SSBP2: variants seen among roughly 807,000 people sequenced by gnomAD.
SSBP2 encodes single stranded DNA binding protein 2.
SSBP2 carries 17 observed loss-of-function variants against 61.8 expected under a neutral mutation model. The observed-to-expected ratio is 0.28, with a 90% CI of 0.19 to 0.41. The LOEUF (loss-of-function observed/expected upper bound fraction) is 0.41. Ranked by LOEUF, SSBP2 falls within the 10% of genes least tolerant of loss-of-function variation. The pLI is 1.00. For synonymous variants in SSBP2, 139 were observed against 141.3 expected, an observed-to-expected ratio of 0.98 and a Z score of 0.12; for missense variants, 310 against 458.7, an observed-to-expected ratio of 0.68 and a Z score of 2.96.
intron 4 of SSBP2, among the ~76,000 whole-genome samples, chr5:81,566,224 T>C (rs1773411473): frequency 6.6e-6 from 1 of 152,200 alleles, no homozygotes; most frequent in African/African-American, 2.4e-5. Context: ...TAATACAGTA[T>C]GCATATAAGG....
chr5:81,633,108 CTTTTTTTTTTTTTT>C (rs143423636), intron 3 of SSBP2, among the ~76,000 whole-genome samples: 2 of 64,830 alleles, frequency 3.1e-5, no homozygotes, highest in Non-Finnish European at 5.2e-5. Flanking sequence ...GAGCCTCTGT[CTTTTTTTTTTTTTT>C]TTTTTTTTTT....
intron 2 of SSBP2, among the ~76,000 whole-genome samples, chr5:81,647,260 T>C (rs1749351994): frequency 6.6e-6 from 1 of 152,156 alleles, no homozygotes; most frequent in Non-Finnish European, 1.5e-5. Context: ...TAGTCTGGCA[T>C]GTAAGTTCTT....
At chr5:81,557,718 C>T (rs993683541) in intron 4 of SSBP2, among the ~76,000 whole-genome samples, 19 of 152,162 alleles carry the variant, frequency 1.2e-4, no homozygotes, top group African/African-American at 3.9e-4. Flanking sequence ...TTCTACCTAA[C>T]ATGTTTCATT....
intron 16 of SSBP2, among the ~76,000 whole-genome samples, chr5:81,424,348 C>T (rs1392113170): frequency 2.0e-5 from 3 of 152,012 alleles, no homozygotes; most frequent in African/African-American, 7.3e-5. Flanking sequence ...TGCTTGAACC[C>T]AGGAGGCGGA....
chr5:81,571,577 GTA>G (rs1349856100), intron 4 of SSBP2, among the ~76,000 whole-genome samples: 1 of 151,976 alleles, frequency 6.6e-6, no homozygotes, highest in East Asian at 1.9e-4. Flanking sequence ...CTCCAGATTT[GTA>G]TGTTTTATTT....
chr5:81,538,187 G>C (rs146563448), intron 4 of SSBP2, among the ~76,000 whole-genome samples: 1 of 152,296 alleles, frequency 6.6e-6, no homozygotes, highest in East Asian at 1.9e-4. Flanking sequence ...GTGAAACACA[G>C]ATGATAAGAA....
chr5:81,614,583 A>G (rs1745817609), intron 4 of SSBP2, among the ~76,000 whole-genome samples: 1 of 152,122 alleles, frequency 6.6e-6, no homozygotes, highest in East Asian at 1.9e-4. Context: ...TTTACACAGA[A>G]TGATGCCAGC....
At chr5:81,651,057 T>G (rs1749685459) in intron 1 of SSBP2, among the ~76,000 whole-genome samples, 1 of 152,170 alleles carries the variant, frequency 6.6e-6, no homozygotes, top group Non-Finnish European at 1.5e-5. Flanking sequence ...ATCTTGTGGA[T>G]TCAGAATTTT....
intron 4 of SSBP2, among the ~76,000 whole-genome samples, chr5:81,581,121 G>A (rs1774609586): frequency 6.6e-6 from 1 of 152,110 alleles, no homozygotes; most frequent in Admixed American, 6.5e-5. Context: ...GTAACTGATA[G>A]GCAACAATTA....
chr5:81,544,264 G>C (rs1229700633), intron 4 of SSBP2, among the ~76,000 whole-genome samples: 9 of 152,100 alleles, frequency 5.9e-5, no homozygotes, highest in Admixed American at 5.9e-4. Flanking sequence ...GGCCAGGCTG[G>C]TCTTCAACTC....
In SSBP2 at chr5:81,663,437, TAACTTTGTG is replaced by T. The variant is rs375452855; in HGVS notation, c.63-13107_63-13099del. ...ACTTTGTATCACAGAAAAGATTTTT[TAACTTTGTG>T]AACAGGATTCATCAAGTGTTTCCTT... On this transcript the variant is annotated intron_variant, in intron 1 of 16. Transcript: ENST00000320672. Among the ~76,000 whole-genome samples the T allele has an allele frequency of 5.2e-3, 788 of 152,336 alleles. 10 individuals carry two copies. Among genetic ancestry groups the T allele is most frequent in the African/African-American group, 0.018 (768 of 41,598 alleles).
intron 1 of SSBP2, among the ~76,000 whole-genome samples, chr5:81,710,482 A>G (rs1013632767): frequency 6.6e-6 from 1 of 152,052 alleles, no homozygotes; most frequent in Non-Finnish European, 1.5e-5. Flanking sequence ...CAGTTACAAC[A>G]TTTAGTCACA....
At chr5:81,489,104 G>T in intron 6 of SSBP2, 146 bp downstream of exon 6, 1 of 698,246 alleles carries the variant, frequency 1.4e-6, no homozygotes, top group Non-Finnish European at 2.4e-6. Flanking sequence ...ATGAGCTGTA[G>T]TTTGCCAACC....
intron 4 of SSBP2, among the ~76,000 whole-genome samples, chr5:81,566,104 T>C (rs1773400989): frequency 6.6e-6 from 1 of 152,230 alleles, no homozygotes; most frequent in Admixed American, 6.5e-5. Context: ...ATAAAACTTT[T>C]GGATTATTTA....
intron 4 of SSBP2, among the ~76,000 whole-genome samples, chr5:81,516,639 T>C (rs759217291): frequency 6.6e-6 from 1 of 152,070 alleles, no homozygotes; most frequent in Non-Finnish European, 1.5e-5. Context: ...TGGTACCCTA[T>C]GCTGATCATT....
intron 2 of SSBP2, among the ~76,000 whole-genome samples, chr5:81,649,422 C>A (rs981078468): frequency 1.3e-5 from 2 of 151,938 alleles, no homozygotes; most frequent in African/African-American, 4.8e-5. Context: ...TACATATACA[C>A]CATGGAATAC....
chr5:81,693,754 A>G (rs1322344415), intron 1 of SSBP2, among the ~76,000 whole-genome samples: 1 of 152,226 alleles, frequency 6.6e-6, no homozygotes, highest in Non-Finnish European at 1.5e-5. Context: ...TACAACCACT[A>G]TAGAGAATAG....
chr5:81,670,508 A>C (rs990355562), intron 1 of SSBP2, among the ~76,000 whole-genome samples: 1 of 152,170 alleles, frequency 6.6e-6, no homozygotes, highest in Non-Finnish European at 1.5e-5. Flanking sequence ...CAGATGAACA[A>C]GTTTACTGTA....
At chr5:81,583,201 T>A (rs1002140629) in intron 4 of SSBP2, among the ~76,000 whole-genome samples, 1 of 152,092 alleles carries the variant, frequency 6.6e-6, no homozygotes, top group African/African-American at 2.4e-5. Flanking sequence ...TGGGTGATCC[T>A]GAGTGAGATC....
Sources: gnomAD v4.1 joint callset for allele counts (sites outside exome capture counted in the v4.1 genomes callset) on GRCh38, gnomAD v4.1.1 for gene constraint, MANE v1.5 for transcripts, NCBI Gene and HGNC (gene_info 2026-07-23, HGNC 2026-07-21) for gene names.